The following NASP variants were observed in gnomAD, a reference collection of about 807,000 sequenced individuals.
The protein encoded by NASP is nuclear autoantigenic sperm protein, also known as NASP histone chaperone.
A neutral mutation model predicts 89.5 loss-of-function variants in NASP; 24 were observed. That is an observed-to-expected ratio of 0.27 (90% CI 0.19 to 0.38). NASP has a LOEUF of 0.38. Ranked by LOEUF, NASP falls within the 10% of genes least tolerant of loss-of-function variation. The pLI is 1.00. For synonymous variants in NASP, 306 were observed against 324.7 expected, an observed-to-expected ratio of 0.94 and a Z score of 0.62; for missense variants, 848 against 921.4, an observed-to-expected ratio of 0.92 and a Z score of 1.03.
In NASP at chr1:45,584,083, C is replaced by T. The variant is rs950226055; in HGVS notation, c.-64C>T. On this transcript the variant is annotated 5_prime_UTR_variant, in exon 1 of 15. Transcript: ENST00000350030. ...CTGTCCCTGAGTGAGTCTCTGGCGTCCCAAATTGCCTGTTTTTCTCGCAGG... is the reference window on the plus strand; with the variant it reads ...CTGTCCCTGAGTGAGTCTCTGGCGTTCCAAATTGCCTGTTTTTCTCGCAGG... 18 of 1,466,296 alleles carry T rather than the reference C, an allele frequency of 1.2e-5. No homozygotes were observed. The East Asian group carries it at 2.0e-4, about 16-fold the overall frequency. 90.8% of individuals were successfully genotyped at this position (1,466,296 alleles called of 1,614,324 possible).
chr1:45,605,162 G>A, intron 4 of NASP, 146 bp downstream of exon 4: 1 of 662,924 alleles, frequency 1.5e-6, no homozygotes, highest in African/African-American at 1.8e-5. Flanking sequence ...AATGGCACTT[G>A]ATACAATTAG....
Position 45,590,773 on chromosome 1 carries a change from T to C in NASP, c.60-450T>C, listed in dbSNP as rs527659089. On this transcript the variant is annotated intron_variant, in intron 1 of 14. Coordinates refer to ENST00000350030, the MANE Select transcript of NASP (RefSeq NM_002482.4). ...AAAACCTGTGTGTTATAGAAGGTTA[T>C]ATAGGGAAATAAAAGACCTAGTCCC... Among the ~76,000 whole-genome samples, 7 of 151,478 alleles carry C rather than the reference T, an allele frequency of 4.6e-5. No homozygotes were observed. In the South Asian group the frequency reaches 1.0e-3, roughly 23 times the overall value.
chr1:45,595,152 TG>T (rs1643662063), intron 2 of NASP, among the ~76,000 whole-genome samples: 1 of 139,518 alleles, frequency 7.2e-6, no homozygotes, highest in Non-Finnish European at 1.6e-5. Flanking sequence ...TGTGTGTGTG[TG>T]TGTGTGTGTG....
chr1:45,604,455 A>ACTC (rs1643885661), intron 3 of NASP, among the ~76,000 whole-genome samples: 1 of 152,222 alleles, frequency 6.6e-6, no homozygotes, highest in African/African-American at 2.4e-5. Flanking sequence ...ACAGATGAGA[A>ACTC]AACTAAGGCA....
At chr1:45,585,351 A>G (rs1033536680) in intron 1 of NASP, among the ~76,000 whole-genome samples, 3 of 152,066 alleles carry the variant, frequency 2.0e-5, no homozygotes, top group Non-Finnish European at 4.4e-5. Context: ...GATATTCTAT[A>G]GGCTTACACT....
intron 3 of NASP, 167 bp from the exon 4 acceptor site, chr1:45,604,769 A>C: frequency 1.8e-6 from 1 of 568,656 alleles, no homozygotes; most frequent in Non-Finnish European, 3.1e-6. Context: ...AAGAGCATAC[A>C]AAATTTTCAT....
intron 6 of NASP, chr1:45,610,200 C>G (rs1053470960): frequency 6.0e-5 from 9 of 150,308 alleles, no homozygotes; most frequent in Admixed American, 5.3e-4. Flanking sequence ...CTCTGTCTTC[C>G]AAAAGAAAAA....
chr1:45,592,809 C>G (rs1006983254), intron 2 of NASP: 3 of 152,166 alleles, frequency 2.0e-5, no homozygotes, highest in Non-Finnish European at 4.4e-5. Flanking sequence ...GCCACCACAC[C>G]CGGCCACAAA....
intron 1 of NASP, among the ~76,000 whole-genome samples, chr1:45,586,267 T>G (rs1408030341): frequency 1.7e-5 from 1 of 59,500 alleles, no homozygotes; most frequent in Non-Finnish European, 3.6e-5. Flanking sequence ...TGTGTGTGTG[T>G]GTGTGTGTGT....
chr1:45,598,253 C>T (rs1643747915), intron 2 of NASP, among the ~76,000 whole-genome samples: 1 of 151,688 alleles, frequency 6.6e-6, no homozygotes, highest in African/African-American at 2.4e-5. Flanking sequence ...TCACTGCAGC[C>T]TCCTTCTCCC....
intron 2 of NASP, among the ~76,000 whole-genome samples, chr1:45,597,157 A>G (rs1643718810): frequency 1.3e-5 from 2 of 151,680 alleles, no homozygotes; most frequent in African/African-American, 4.8e-5. Flanking sequence ...AAATACAAAA[A>G]TTAGCTGGGT....
At chr1:45,610,036 TA>T (rs1643976496) in intron 6 of NASP, 1 of 152,114 alleles carries the variant, frequency 6.6e-6, no homozygotes, top group Admixed American at 6.6e-5. Context: ...TTGACTCTAC[TA>T]AAAATACAAA....
chr1:45,613,505 T>C lies in NASP; in HGVS notation c.1506+257T>C, dbSNP rs10157278. On this transcript the variant is annotated intron_variant, in intron 7 of 14. Coordinates refer to ENST00000350030, the MANE Select transcript of NASP (RefSeq NM_002482.4). The stretch of plus-strand genomic sequence containing the variant: ...GCACGATTATTATTTTTTTAAGAGA[T>C]AGAATCTCTGTCTCTGCCCAGGCCG... Among the ~76,000 whole-genome samples, 941 of 152,292 alleles carry C rather than the reference T, an allele frequency of 6.2e-3. 6 individuals carry two copies. The highest frequency in any genetic ancestry group is 0.022 in the African/African-American group (907 of 41,554).
In NASP at chr1:45,613,247, A is replaced by C. The variant is rs139668800; in HGVS notation, c.1505A>C (p.Lys502Thr). 6.2e-7 allele frequency: 1 copy of C among 1,609,820 alleles called. No individual in the cohort carries two copies. Among genetic ancestry groups the C allele is most frequent in the African/African-American group, 1.3e-5 (1 of 74,724 alleles). The change falls in exon 7 of 15, where the codon AAG becomes ACG. Residue 502 changes from lysine (K) to threonine (T), a missense_variant and splice_region_variant. Lys to Thr is a moderately conservative substitution (Grantham distance 78). This residue lies in a region of NASP where 464 missense variants were observed against 469.4 expected (regional missense o/e 0.99). Transcript: ENST00000350030. The stretch of plus-strand genomic sequence containing the variant: ...CCAAATGATTCAGTCCTTGAAAACA[A>C]GGTATGTTGTTAGCCACTCAGTACT... The part of the protein sequence containing the change: ...EMPNDSVLEN[K>T]SLQENEEEEI...
intron 1 of NASP, 114 bp downstream of exon 1, chr1:45,584,319 G>A (rs1644494820): frequency 3.3e-6 from 3 of 917,522 alleles, no homozygotes; most frequent in Non-Finnish European, 4.8e-6. Flanking sequence ...CTTCCCAAGA[G>A]CAGCTGTCGC....
In NASP at chr1:45,608,318, A is replaced by G. The variant is rs763255075; in HGVS notation, c.1407A>G (p.Glu469=). 3.7e-6 allele frequency: 6 copies of G among 1,609,890 alleles called. No homozygotes were observed. The highest frequency in any genetic ancestry group is 5.1e-6 in the Non-Finnish European group (6 of 1,177,836). Residue 469 remains glutamate (E), a synonymous_variant, in exon 6 of 15, where the codon GAA becomes GAG. Coordinates refer to ENST00000350030, the MANE Select transcript of NASP (RefSeq NM_002482.4). ...ATGAAGAGACACAAGAGAGAGAAGA[A>G]CAGATGAAAGAGGGTGAAGGTAACC... ...AANEETQERE[E]QMKEGEETEG...
intron 1 of NASP, among the ~76,000 whole-genome samples, chr1:45,588,497 C>T (rs900106327): frequency 6.6e-6 from 1 of 152,118 alleles, no homozygotes; most frequent in Non-Finnish European, 1.5e-5. Flanking sequence ...TCAAACAGTC[C>T]TTCTGCCTTC....
intron 2 of NASP, among the ~76,000 whole-genome samples, chr1:45,599,854 C>A (rs761467069): frequency 6.6e-6 from 1 of 152,062 alleles, no homozygotes; most frequent in South Asian, 2.1e-4. Flanking sequence ...CCAGCTTACT[C>A]TAGCCAGAAG....
At chr1:45,590,896 T>A (rs1643532219) in intron 1 of NASP, among the ~76,000 whole-genome samples, 1 of 151,974 alleles carries the variant, frequency 6.6e-6, no homozygotes, top group Non-Finnish European at 1.5e-5. Context: ...TGTGACGGAG[T>A]TTGTAGATAA....
Sources: allele counts gnomAD v4.1 joint callset (sites outside exome capture counted in the v4.1 genomes callset), GRCh38; gene constraint gnomAD v4.1.1; regional missense constraint gnomAD v4.1.1; transcripts MANE v1.5; gene names NCBI Gene and HGNC (gene_info 2026-07-23, HGNC 2026-07-21).